The following PHACTR1 variants were observed in gnomAD, a reference collection of about 807,000 sequenced individuals.
The protein encoded by PHACTR1 is phosphatase and actin regulator 1.
Under a neutral mutation model 69.2 loss-of-function variants are expected in PHACTR1, and 16 were observed. The observed-to-expected ratio is 0.23, with a 90% CI of 0.16 to 0.35. PHACTR1 has a LOEUF of 0.35. Ranked by LOEUF, PHACTR1 falls within the 10% of genes least tolerant of loss-of-function variation. The pLI, the probability that PHACTR1 is intolerant of heterozygous loss-of-function variation, is 1.00. For synonymous variants in PHACTR1, 312 were observed against 284.5 expected, an observed-to-expected ratio of 1.10 and a Z score of -0.97; for missense variants, 510 against 734.7, an observed-to-expected ratio of 0.69 and a Z score of 3.54.
At chr6:12,829,584 T>C (rs2127724463) in intron 4 of PHACTR1, among the ~76,000 whole-genome samples, 1 of 152,294 alleles carries the variant, frequency 6.6e-6, no homozygotes, top group Middle Eastern at 3.4e-3. Context: ...GTTGAAACTC[T>C]TTAAAATAGC....
chr6:12,734,129 G>A (rs1214843314), intron 3 of PHACTR1, among the ~76,000 whole-genome samples: 1 of 152,086 alleles, frequency 6.6e-6, no homozygotes, highest in Admixed American at 6.6e-5. Flanking sequence ...TTTGTTTCCC[G>A]CCTACCATTT....
At chr6:13,229,989 C>G (rs1030600896) in intron 9 of PHACTR1, 48 bp from the exon 10 acceptor site, 17 of 1,531,128 alleles carry the variant, frequency 1.1e-5, no homozygotes, top group Non-Finnish European at 1.4e-5. Context: ...CCTGTGGGAG[C>G]CCAGGCAGAT....
At chr6:12,905,025 T>TTC (rs1446561599) in intron 4 of PHACTR1, among the ~76,000 whole-genome samples, 2 of 152,160 alleles carry the variant, frequency 1.3e-5, no homozygotes, top group African/African-American at 4.8e-5. Flanking sequence ...TAGGGGAGGC[T>TTC]TCTACCCACC....
intron 4 of PHACTR1, among the ~76,000 whole-genome samples, chr6:12,963,466 AC>A (rs747393356): frequency 1.1e-4 from 17 of 151,978 alleles, no homozygotes; most frequent in African/African-American, 3.6e-4. Flanking sequence ...AAAAAAAAAA[AC>A]AAACCAACTG....
At chr6:13,175,930 T>A (rs1028903009) in intron 6 of PHACTR1, among the ~76,000 whole-genome samples, 12 of 151,978 alleles carry the variant, frequency 7.9e-5, no homozygotes, top group East Asian at 3.9e-4. Context: ...ACTGGGAAAG[T>A]CTGAGTCTGG....
chr6:12,777,237 A>ATTTT (rs1361393266), intron 4 of PHACTR1, among the ~76,000 whole-genome samples: 19 of 119,770 alleles, frequency 1.6e-4, no homozygotes, highest in African/African-American at 4.4e-4. Flanking sequence ...ATATATATAT[A>ATTTT]TATATTTTTT....
At chr6:13,032,220 T>C (rs1252622860) in intron 4 of PHACTR1, among the ~76,000 whole-genome samples, 3 of 152,256 alleles carry the variant, frequency 2.0e-5, no homozygotes, top group African/African-American at 7.2e-5. Flanking sequence ...CATTATATAC[T>C]GAATATCAGT....
At chr6:13,121,650 C>T (rs1818753014) in intron 5 of PHACTR1, among the ~76,000 whole-genome samples, 1 of 152,150 alleles carries the variant, frequency 6.6e-6, no homozygotes, top group South Asian at 2.1e-4. Flanking sequence ...ACTCAAGGTA[C>T]ATTTTATATG....
At chr6:13,085,707 T>C (rs1812162987) in intron 5 of PHACTR1, among the ~76,000 whole-genome samples, 1 of 152,060 alleles carries the variant, frequency 6.6e-6, no homozygotes, top group Non-Finnish European at 1.5e-5. Flanking sequence ...CTAAAATGCA[T>C]GATTAACAAG....
chr6:12,900,111 T>C (rs920211138), intron 4 of PHACTR1, among the ~76,000 whole-genome samples: 5 of 152,250 alleles, frequency 3.3e-5, no homozygotes, highest in African/African-American at 9.6e-5. Flanking sequence ...CACCCCACTG[T>C]ATCGCCTTCT....
chr6:12,988,572 C>T (rs932160146), intron 4 of PHACTR1, among the ~76,000 whole-genome samples: 1 of 152,158 alleles, frequency 6.6e-6, no homozygotes, highest in African/African-American at 2.4e-5. Flanking sequence ...TCGCAAAGTA[C>T]CTAAGCATCT....
chr6:13,141,724 C>CTT (rs577073698), intron 5 of PHACTR1, among the ~76,000 whole-genome samples: 3,862 of 89,886 alleles, frequency 0.043, 82 homozygotes, highest in African/African-American at 0.052. Context: ...TTTCTTCTTT[C>CTT]TTTTTTTTTT....
intron 4 of PHACTR1, among the ~76,000 whole-genome samples, chr6:13,011,670 T>C (rs1180786136): frequency 6.6e-6 from 1 of 152,188 alleles, no homozygotes; most frequent in Non-Finnish European, 1.5e-5. Flanking sequence ...TTTCTGCAGG[T>C]CCACTGTTCT....
rs1554146879 is a variant in PHACTR1, at chr6:13,177,455, G to GTGTA, written c.497-5063_497-5062insGTAT. On this transcript the variant is annotated intron_variant, in intron 6 of 14. Transcript: ENST00000332995. The stretch of plus-strand genomic sequence containing the variant: ...TATGTGTATATATGTGTGTGTGTGT[G>GTGTA]TATATATATATACATATCAGATTTT... Among the ~76,000 whole-genome samples, 131 of 149,208 alleles carry GTGTA rather than the reference G, an allele frequency of 8.8e-4. 1 individual carries two copies. The highest frequency in any genetic ancestry group is 3.0e-3 in the African/African-American group (122 of 40,572).
intron 7 of PHACTR1, among the ~76,000 whole-genome samples, chr6:13,204,110 A>G (rs1765584041): frequency 6.6e-6 from 1 of 152,114 alleles, no homozygotes; most frequent in Non-Finnish European, 1.5e-5. Flanking sequence ...GGGGAACCAG[A>G]GCAGACTTTA....
rs532326209 is a variant in PHACTR1 at position 13,172,862 on chromosome 6, T to C, written c.497-9657T>C. 1.3e-4 allele frequency among the ~76,000 whole-genome samples: 20 copies of C among 152,322 alleles called. No individual in the cohort carries two copies. In the South Asian group the frequency reaches 3.7e-3, roughly 28 times the overall value. On this transcript the variant is annotated intron_variant, in intron 6 of 14. Transcript: ENST00000332995. ...TAAATTCTGAGAATGAAAATAAATTTTGCACAGATTTTCAAGGTAGTTGGA... is the reference window on the plus strand; with the variant it reads ...TAAATTCTGAGAATGAAAATAAATTCTGCACAGATTTTCAAGGTAGTTGGA...
At chr6:13,240,383 GAAGA>G (rs1772651138) in intron 10 of PHACTR1, among the ~76,000 whole-genome samples, 1 of 152,000 alleles carries the variant, frequency 6.6e-6, no homozygotes, top group Non-Finnish European at 1.5e-5. Context: ...GCAGAAGGCA[GAAGA>G]AAGGCTGTGT....
chr6:13,217,701 G>A (rs1226840369), intron 8 of PHACTR1, among the ~76,000 whole-genome samples: 1 of 152,060 alleles, frequency 6.6e-6, no homozygotes, highest in Non-Finnish European at 1.5e-5. Flanking sequence ...GTTTCCTGCT[G>A]ACTAAAGTTC....
At chr6:12,923,246 C>A (rs888240731) in intron 4 of PHACTR1, among the ~76,000 whole-genome samples, 2 of 151,934 alleles carry the variant, frequency 1.3e-5, no homozygotes, top group Non-Finnish European at 2.9e-5. Flanking sequence ...TATCAAAGGT[C>A]ATGGAAATGA....
Sources: gnomAD v4.1 joint callset for allele counts (sites outside exome capture counted in the v4.1 genomes callset) on GRCh38, gnomAD v4.1.1 for gene constraint, MANE v1.5 for transcripts, NCBI Gene and HGNC (gene_info 2026-07-23, HGNC 2026-07-21) for gene names.